SH3D21: variants seen among roughly 807,000 people sequenced by gnomAD.
SH3D21 encodes manchette microtubule inner protein 1.
Under a neutral mutation model 82.1 loss-of-function variants are expected in SH3D21, and 83 were observed. The observed-to-expected ratio is 1.01, with a 90% CI of 0.85 to 1.21. The LOEUF (loss-of-function observed/expected upper bound fraction) is 1.21, where lower values mean the gene tolerates loss of function less well. Among genes scored for constraint, SH3D21 ranks in the 50% most tolerant of loss-of-function variants. The pLI is 0.00. For missense variants in SH3D21, 980 were observed against 962.1 expected (o/e 1.02, Z -0.25); for synonymous variants, 383 against 387.8 (o/e 0.99, Z 0.15).
Position 36,306,670 on chromosome 1 carries a change from G to A in SH3D21, c.77G>A (p.Arg26Gln), listed in dbSNP as rs1387614492. The A allele has an allele frequency of 3.1e-6, 4 of 1,298,792 alleles. No individual in the cohort carries two copies. The highest frequency in any genetic ancestry group is 4.0e-6 in the Non-Finnish European group (4 of 988,284). The allele number at this position is 1,298,792 out of a possible 1,614,324, so 80.5% of individuals were successfully genotyped here. A position where few individuals can be genotyped will look rare whatever the true frequency, so the allele number is the denominator to read the frequency against. ...AGTCTGGCGCCCGGGGACGTGGTCC[G>A]GCAGGTGCGCTGGGTGCCCGCGCGG... ...ELSLAPGDVV[R>Q]QVRWVPARGW... is the part of the protein sequence containing the mutation. Residue 26 changes from arginine to glutamine, a missense_variant, in exon 2 of 16, where the codon CGG (arginine) becomes CAG (glutamine). Coordinates refer to ENST00000453908, the MANE Select transcript of SH3D21 (RefSeq NM_001162530.2). This position sits in a 1 kb window ranked among gnomAD's most constrained non-coding sequence, Gnocchi z 4.5.
downstream of SH3D21, chr1:36,329,332 CA>C (rs2124714451): frequency 6.6e-6 from 1 of 152,352 alleles, no homozygotes; most frequent in Admixed American, 6.5e-5. Context: ...AAGTTCTGAA[CA>C]CAATGAAGTG....
chr1:36,320,845 C>G (rs1283217763), intron 14 of SH3D21, 47 bp downstream of exon 14: 2 of 1,550,164 alleles, frequency 1.3e-6, no homozygotes, highest in Admixed American at 2.0e-5. Flanking sequence ...TTCCCCCTAG[C>G]CCTCACCTGC....
In SH3D21 at chr1:36,320,034, T is replaced by TG. The variant is rs1430052968; in HGVS notation, c.1372dup (p.Ala458GlyfsTer9). ...GGGTCTTTTCAGTGGAAGAGTCCCC[T>TG]GCCCTAGAAGCCCCACCTATGGATA... On this transcript the variant is annotated frameshift_variant, in exon 14 of 16. Transcript: ENST00000453908. LOFTEE classifies it high-confidence loss of function. 5.0e-6 allele frequency: 8 copies of TG among 1,614,056 alleles called. No individual in the cohort carries two copies. In the Admixed American group the frequency reaches 1.3e-4, roughly 27 times the overall value.
At position 36,320,899 on chromosome 1, in the gene SH3D21, C is replaced by A; in HGVS notation, c.2136-16C>A. 6.4e-7 allele frequency: 1 copy of A among 1,557,668 alleles called. No individual in the cohort carries two copies. ...CCCTCACCTGCCCAGCCCCTCACCTCCGCCTCGGCCCGCAGGAGGAAGCTG... is the reference window on the plus strand; with the variant it reads ...CCCTCACCTGCCCAGCCCCTCACCTACGCCTCGGCCCGCAGGAGGAAGCTG... On this transcript the variant is annotated splice_polypyrimidine_tract_variant and intron_variant, in intron 14 of 15. Coordinates refer to ENST00000453908, the MANE Select transcript of SH3D21 (RefSeq NM_001162530.2).
downstream of SH3D21, among the ~76,000 whole-genome samples, chr1:36,326,459 G>A (rs932046800): frequency 1.3e-5 from 2 of 152,124 alleles, no homozygotes; most frequent in East Asian, 1.9e-4. Context: ...TCGAACTTCT[G>A]ACCTCAGGTG....
intron 10 of SH3D21, among the ~76,000 whole-genome samples, chr1:36,317,562 TTTTTG>T (rs1419009599): frequency 6.6e-6 from 1 of 152,100 alleles, no homozygotes; most frequent in African/African-American, 2.4e-5. Context: ...GCCTAGTGTT[TTTTTG>T]TTTTGTTTTT....
At chr1:36,312,761 A>C (rs1189953206) in intron 10 of SH3D21, among the ~76,000 whole-genome samples, 1 of 152,106 alleles carries the variant, frequency 6.6e-6, no homozygotes, top group Non-Finnish European at 1.5e-5. Context: ...CCTAGGTTGG[A>C]GTGCAGTGGC....
chr1:36,307,976 C>G lies in SH3D21; in HGVS notation c.538+13C>G. The G allele has an allele frequency of 2.6e-6, 4 of 1,551,648 alleles. No individual in the cohort carries two copies. The highest frequency in any genetic ancestry group is 3.5e-6 in the Non-Finnish European group (4 of 1,147,010). ...TACCTGCAGACAGGTGAGCACCCAT[C>G]CAAAGGGTCCCCCACTCCCTCAGCC... is the stretch of plus-strand genomic sequence containing the variant. On this transcript the variant is annotated intron_variant, in intron 7 of 15. Transcript: ENST00000453908. This position sits in a 1 kb window ranked among gnomAD's most constrained non-coding sequence, Gnocchi z 5.4.
chr1:36,325,834 G>A (rs1262660919), downstream of SH3D21, among the ~76,000 whole-genome samples: 2 of 152,216 alleles, frequency 1.3e-5, no homozygotes, highest in African/African-American at 4.8e-5. Context: ...GTGAGCCACC[G>A]CGCCCAGCCC....
Position 36,309,591 on chromosome 1 carries a change from G to T in SH3D21, c.769+1G>T. ...CGGAAAGTGGTATCTCGGGAATCAG[G>T]TGAGTGCCCGGGGAGCCTGGGATTG... On this transcript the variant is annotated splice_donor_variant, in intron 10 of 15. Transcript: ENST00000453908. LOFTEE classifies it high-confidence loss of function. The T allele has an allele frequency of 6.4e-7, 1 of 1,551,668 alleles. No homozygotes were observed. Among genetic ancestry groups the T allele is most frequent in the Non-Finnish European group, 8.7e-7 (1 of 1,146,974 alleles).
At chr1:36,314,678 A>G (rs1000294102) in intron 10 of SH3D21, among the ~76,000 whole-genome samples, 1 of 149,584 alleles carries the variant, frequency 6.7e-6, no homozygotes, top group Non-Finnish European at 1.5e-5. Flanking sequence ...GTGGTCTTGA[A>G]CTCCTGACCT....
Position 36,307,116 on chromosome 1 carries a change from C to A in SH3D21, c.227-51C>A, listed in dbSNP as rs1460184104. 1.3e-6 allele frequency: 2 copies of A among 1,548,436 alleles called. No individual in the cohort carries two copies. Among genetic ancestry groups the A allele is most frequent in the Non-Finnish European group, 1.7e-6 (2 of 1,145,296 alleles). Reference sequence around the variant, plus strand: ...TGCGCGCCTTGCGCTTCCCCCAGCTCCTCTGACTGGGGCGTCCGACTGGAG... The same window carrying A: ...TGCGCGCCTTGCGCTTCCCCCAGCTACTCTGACTGGGGCGTCCGACTGGAG... On this transcript the variant is annotated intron_variant, in intron 3 of 15. Transcript: ENST00000453908. The surrounding 1 kb of genome is among the most constrained non-coding windows in gnomAD (Gnocchi z 5.4).
downstream of SH3D21, chr1:36,322,401 A>T (rs1406532998): frequency 3.1e-6 from 5 of 1,599,566 alleles, no homozygotes; most frequent in Non-Finnish European, 4.2e-6. Flanking sequence ...CTCCCGCAGG[A>T]TCCGTTCGCG....
chr1:36,306,781 T>C lies in SH3D21; in HGVS notation c.162+26T>C. The C allele has an allele frequency of 7.7e-7, 1 of 1,291,114 alleles. No individual in the cohort carries two copies. Among genetic ancestry groups the C allele is most frequent in the Non-Finnish European group, 1.0e-6 (1 of 987,510 alleles). The allele number at this position is 1,291,114 out of a possible 1,614,324, so 80.0% of individuals were successfully genotyped here. On this transcript the variant is annotated intron_variant, in intron 2 of 15. Coordinates refer to ENST00000453908, the MANE Select transcript of SH3D21 (RefSeq NM_001162530.2). The surrounding 1 kb of genome is among the most constrained non-coding windows in gnomAD (Gnocchi z 4.5). ...GTGAGGCCGAGCCAGGGGCGGGCTG[T>C]GGGGTCTCAGCGCGCGCCCCCCGGG...
downstream of SH3D21, chr1:36,323,051 G>T (rs765194832): frequency 1.9e-6 from 3 of 1,598,174 alleles, no homozygotes; most frequent in Admixed American, 1.8e-5. Context: ...GCTCTGGGGG[G>T]CAGCTCCCCT....
Position 36,306,379 on chromosome 1 carries a change from G to T in SH3D21, c.-42G>T. On this transcript the variant is annotated 5_prime_UTR_variant, in exon 1 of 16. Coordinates refer to ENST00000453908, the MANE Select transcript of SH3D21 (RefSeq NM_001162530.2). The surrounding 1 kb of genome is among the most constrained non-coding windows in gnomAD (Gnocchi z 4.5). Reference sequence around the variant, plus strand: ...CCCTGCGCGGGCCCAGTACTCGGCCGTCAGAGGGAGCTGCCAGGCTCTGGA... The same window carrying T: ...CCCTGCGCGGGCCCAGTACTCGGCCTTCAGAGGGAGCTGCCAGGCTCTGGA... The T allele has an allele frequency of 7.7e-7, 1 of 1,305,370 alleles. No homozygotes were observed. Among genetic ancestry groups the T allele is most frequent in the Non-Finnish European group, 1.0e-6 (1 of 988,956 alleles). 80.9% of individuals were successfully genotyped at this position (1,305,370 alleles called of 1,614,324 possible).
At position 36,321,140 on chromosome 1, in the gene SH3D21, G is replaced by A; in HGVS notation, c.*13G>A. The A allele has an allele frequency of 1.2e-6, 2 of 1,608,528 alleles. No individual in the cohort carries two copies. The highest frequency in any genetic ancestry group is 1.1e-5 in the South Asian group (1 of 90,066). On this transcript the variant is annotated 3_prime_UTR_variant, in exon 16 of 16. Transcript: ENST00000453908. The surrounding 1 kb of genome is among the most constrained non-coding windows in gnomAD (Gnocchi z 6.1). ...GCAGACCTACTGAGGGTGGGCCTGG[G>A]AAGGGACCGCGGCCTGACCTGGCTG... is the stretch of plus-strand genomic sequence containing the variant.
rs767624105 is a variant in SH3D21 at position 36,313,972 on chromosome 1, CTT to C, written c.769+4401_769+4402del. Among the ~76,000 whole-genome samples, 343 of 36,820 alleles carry C rather than the reference CTT, an allele frequency of 9.3e-3. 10 individuals carry two copies. The highest frequency in any genetic ancestry group is 0.024 in the African/African-American group (322 of 13,276). The allele number at this position is 36,820 out of a possible 152,430, so 24.2% of individuals were successfully genotyped here. A position where few individuals can be genotyped will look rare whatever the true frequency, so the allele number is the denominator to read the frequency against. On this transcript the variant is annotated intron_variant, in intron 10 of 15. Coordinates refer to ENST00000453908, the MANE Select transcript of SH3D21 (RefSeq NM_001162530.2). ...TGGCTAATGATGCTGAACATATTTT[CTT>C]TTTTTTTTTTTTTTTTTTGAGACGG...
Position 36,307,012 on chromosome 1 carries a change from G to T in SH3D21, c.226+107G>T. ...GGGCGCGGCTCTGGGCGGGACCTCG[G>T]GGCCGCCCTGCGGTCTGTGATTGGT... is the stretch of plus-strand genomic sequence containing the variant. On this transcript the variant is annotated intron_variant, in intron 3 of 15. Coordinates refer to ENST00000453908, the MANE Select transcript of SH3D21 (RefSeq NM_001162530.2). This position sits in a 1 kb window ranked among gnomAD's most constrained non-coding sequence, Gnocchi z 5.4. 7.0e-7 allele frequency: 1 copy of T among 1,420,898 alleles called. No individual in the cohort carries two copies. Among genetic ancestry groups the T allele is most frequent in the Non-Finnish European group, 9.2e-7 (1 of 1,083,138 alleles). The allele number at this position is 1,420,898 out of a possible 1,614,324, so 88.0% of individuals were successfully genotyped here.
Sources: allele counts gnomAD v4.1 joint callset (sites outside exome capture counted in the v4.1 genomes callset), GRCh38; gene constraint gnomAD v4.1.1; non-coding constraint Gnocchi (gnomAD v3.1); transcripts MANE v1.5; gene names NCBI Gene and HGNC (gene_info 2026-07-23, HGNC 2026-07-21).